The following RASGRF2 variants were observed in gnomAD, a reference collection of about 807,000 sequenced individuals.
RASGRF2 encodes the protein Ras protein specific guanine nucleotide releasing factor 2.
In RASGRF2, 76 loss-of-function variants were observed where a neutral mutation model predicts 151.0. The ratio of observed to expected loss-of-function variants is 0.50; its 90% CI spans 0.42 to 0.61. The LOEUF is 0.61. Among genes scored for constraint, RASGRF2 ranks in the 20% least tolerant of loss-of-function variants. The probability of loss-of-function intolerance (pLI) is 0.00; values close to 1 mark genes in which losing one functional copy is unlikely to be tolerated. For missense variants in RASGRF2, 1,148 were observed against 1,564.6 expected (o/e 0.73, Z 4.49); for synonymous variants, 504 against 566.5 (o/e 0.89, Z 1.57).
chr5:81,129,637 A>G (rs1753562742), intron 17 of RASGRF2, among the ~76,000 whole-genome samples: 2 of 152,200 alleles, frequency 1.3e-5, no homozygotes, highest in Admixed American at 6.5e-5. Flanking sequence ...CAAAATATCA[A>G]TCTTGTCGAT....
At chr5:80,995,639 T>C (rs951375298) in intron 1 of RASGRF2, among the ~76,000 whole-genome samples, 33 of 149,410 alleles carry the variant, frequency 2.2e-4, no homozygotes, top group African/African-American at 7.9e-4. Flanking sequence ...TTAGTTCCTC[T>C]GGAGGTTTTA....
At position 81,206,920 on chromosome 5, in the gene RASGRF2, A is replaced by G; in HGVS notation, c.2967+15A>G. 1 of 1,571,408 alleles carries G rather than the reference A, an allele frequency of 6.4e-7. No individual in the cohort carries two copies. The highest frequency in any genetic ancestry group is 8.8e-7 in the Non-Finnish European group (1 of 1,141,502). Reference sequence around the variant, plus strand: ...TAATTCAAATGGTAAGTCTGACCACATTTTTATCTAGCACAACTATGTGCA... The same window carrying G: ...TAATTCAAATGGTAAGTCTGACCACGTTTTTATCTAGCACAACTATGTGCA... On this transcript the variant is annotated intron_variant, in intron 20 of 26. Transcript: ENST00000265080.
At chr5:81,162,650 T>A (rs1754414042) in intron 17 of RASGRF2, among the ~76,000 whole-genome samples, 1 of 152,186 alleles carries the variant, frequency 6.6e-6, no homozygotes, top group Non-Finnish European at 1.5e-5. Context: ...CTGGATGGAA[T>A]GTGCTGTTTT....
At chr5:81,010,398 G>C (rs560828469) in intron 1 of RASGRF2, among the ~76,000 whole-genome samples, 1 of 152,266 alleles carries the variant, frequency 6.6e-6, no homozygotes, top group East Asian at 1.9e-4. Flanking sequence ...TTTTTACAAT[G>C]AAAAAAGGCC....
intron 18 of RASGRF2, among the ~76,000 whole-genome samples, chr5:81,188,227 T>C (rs1480714322): frequency 6.6e-6 from 1 of 152,174 alleles, no homozygotes; most frequent in Non-Finnish European, 1.5e-5. Flanking sequence ...GCGGATCTTC[T>C]CTTCCATTTG....
chr5:81,180,985 C>A (rs562312856), intron 18 of RASGRF2, among the ~76,000 whole-genome samples: 1 of 152,268 alleles, frequency 6.6e-6, no homozygotes, highest in African/African-American at 2.4e-5. Flanking sequence ...ACATACCAGG[C>A]AGGCCCTCCT....
chr5:81,141,222 C>T (rs1285238555), intron 17 of RASGRF2, among the ~76,000 whole-genome samples: 1 of 152,152 alleles, frequency 6.6e-6, no homozygotes. Context: ...TAAATATTAG[C>T]AGTAAACTCC....
intron 9 of RASGRF2, chr5:81,087,492 G>A (rs567614929): frequency 1.6e-6 from 1 of 609,570 alleles, no homozygotes; most frequent in Non-Finnish European, 3.0e-6. Flanking sequence ...GCCACGCTTT[G>A]GTAATGCAGA....
At position 81,166,334 on chromosome 5, in the gene RASGRF2, C is replaced by T. The variant is rs183903937; in HGVS notation, c.2687-13841C>T. 3.0e-3 allele frequency among the ~76,000 whole-genome samples: 460 copies of T among 152,078 alleles called. 2 individuals carry two copies. Among genetic ancestry groups the T allele is most frequent in the Admixed American group, 4.3e-3 (66 of 15,262 alleles). On this transcript the variant is annotated intron_variant, in intron 17 of 26. Coordinates refer to ENST00000265080, the MANE Select transcript of RASGRF2 (RefSeq NM_006909.3). ...CCCAAGTAGCTGGAATTTACAGGCG[C>T]GTGCCACGACACCTGGCTAATTTTT...
At chr5:80,977,140 T>G (rs892027132) in intron 1 of RASGRF2, among the ~76,000 whole-genome samples, 1 of 152,200 alleles carries the variant, frequency 6.6e-6, no homozygotes, top group African/African-American at 2.4e-5. Context: ...AGAAATTTAT[T>G]TTCAGCATGG....
intron 1 of RASGRF2, among the ~76,000 whole-genome samples, chr5:80,963,333 C>T (rs1337654061): frequency 6.6e-6 from 1 of 152,190 alleles, no homozygotes; most frequent in African/African-American, 2.4e-5. Context: ...TCCCTCAACA[C>T]TATCAACACA....
At chr5:80,984,149 C>T (rs908886536) in intron 1 of RASGRF2, among the ~76,000 whole-genome samples, 1 of 152,208 alleles carries the variant, frequency 6.6e-6, no homozygotes, top group Non-Finnish European at 1.5e-5. Flanking sequence ...CAACCTCTGC[C>T]TCCCAGATTC....
At chr5:81,033,090 G>A (rs1466907488) in intron 1 of RASGRF2, among the ~76,000 whole-genome samples, 2 of 150,874 alleles carry the variant, frequency 1.3e-5, no homozygotes, top group African/African-American at 4.9e-5. Context: ...CAACTTACAA[G>A]GGATGTGAAG....
chr5:80,981,105 C>CA (rs1748284980), intron 1 of RASGRF2, among the ~76,000 whole-genome samples: 1 of 152,212 alleles, frequency 6.6e-6, no homozygotes, highest in Admixed American at 6.5e-5. Flanking sequence ...ACTCCCAATA[C>CA]AGCAATACTA....
chr5:81,046,730 T>G (rs1054877296), intron 2 of RASGRF2, among the ~76,000 whole-genome samples: 26 of 152,186 alleles, frequency 1.7e-4, no homozygotes, highest in African/African-American at 6.0e-4. Context: ...TCATGGTTGA[T>G]TTAGTTGTAG....
intron 1 of RASGRF2, among the ~76,000 whole-genome samples, chr5:81,034,013 G>A (rs556256369): frequency 1.3e-5 from 2 of 152,254 alleles, no homozygotes; most frequent in African/African-American, 4.8e-5. Flanking sequence ...CTTCTCAAAA[G>A]AAGACATTTA....
chr5:81,012,226 C>G (rs184692100), intron 1 of RASGRF2, among the ~76,000 whole-genome samples: 1 of 152,222 alleles, frequency 6.6e-6, no homozygotes, highest in African/African-American at 2.4e-5. Context: ...TAATTTTTTT[C>G]TTGACCTTAT....
intron 1 of RASGRF2, among the ~76,000 whole-genome samples, chr5:80,981,956 G>A (rs894279463): frequency 6.6e-6 from 1 of 152,154 alleles, no homozygotes; most frequent in Admixed American, 6.5e-5. Flanking sequence ...ATTTTGTAAA[G>A]GATAAATTAT....
chr5:81,007,676 G>A (rs776179181), intron 1 of RASGRF2, among the ~76,000 whole-genome samples: 1 of 152,090 alleles, frequency 6.6e-6, no homozygotes, highest in Admixed American at 6.6e-5. Flanking sequence ...GATTTAGGAC[G>A]AGGAAAGTGA....
Sources: allele counts gnomAD v4.1 joint callset (sites outside exome capture counted in the v4.1 genomes callset), GRCh38; gene constraint gnomAD v4.1.1; transcripts MANE v1.5; gene names NCBI Gene and HGNC (gene_info 2026-07-23, HGNC 2026-07-21).